The following RMDN2 variants were observed in gnomAD, a reference collection of about 807,000 sequenced individuals.
The protein encoded by RMDN2 is regulator of microtubule dynamics 2.
A neutral mutation model predicts 52.8 loss-of-function variants in RMDN2; 61 were observed. The observed-to-expected ratio is 1.16, with a 90% CI of 0.94 to 1.43. The LOEUF (loss-of-function observed/expected upper bound fraction) is 1.43. Among genes scored for constraint, RMDN2 ranks in the 40% most tolerant of loss-of-function variants. The pLI is 0.00. For synonymous variants in RMDN2, 180 were observed against 153.1 expected (o/e 1.18, Z -1.30); for missense variants, 592 against 475.3 (o/e 1.25, Z -2.28).
chr2:37,993,516 GAA>G (rs1244801442), intron 7 of RMDN2, among the ~76,000 whole-genome samples: 4 of 123,848 alleles, frequency 3.2e-5, no homozygotes, highest in African/African-American at 8.7e-5. Context: ...AGAACCTACA[GAA>G]AAAAAAAAAA....
At chr2:37,944,655 T>A (rs1429891927) in intron 2 of RMDN2, among the ~76,000 whole-genome samples, 1 of 152,168 alleles carries the variant, frequency 6.6e-6, no homozygotes, top group Non-Finnish European at 1.5e-5. Context: ...TGCTGGGTAG[T>A]GATAAGTACA....
At chr2:37,958,477 A>G (rs1330280640) in intron 2 of RMDN2, among the ~76,000 whole-genome samples, 1 of 150,980 alleles carries the variant, frequency 6.6e-6, no homozygotes, top group Non-Finnish European at 1.5e-5. Context: ...TGATTTTTGC[A>G]CATTTATTTT....
intron 2 of RMDN2, among the ~76,000 whole-genome samples, chr2:37,944,195 A>C (rs1476132302): frequency 6.6e-6 from 1 of 152,146 alleles, no homozygotes; most frequent in Non-Finnish European, 1.5e-5. Flanking sequence ...TTGTTTTTGC[A>C]TGATGTATGT....
intron 2 of RMDN2, among the ~76,000 whole-genome samples, chr2:37,933,333 G>A (rs1198891275): frequency 2.0e-5 from 3 of 151,514 alleles, no homozygotes; most frequent in Non-Finnish European, 4.4e-5. Flanking sequence ...GACGATGGGC[G>A]GCCAGGCGGA....
intron 2 of RMDN2, among the ~76,000 whole-genome samples, chr2:37,963,904 G>GC (rs368944368): frequency 0.048 from 7,210 of 148,764 alleles, 529 homozygotes; most frequent in African/African-American, 0.16. Flanking sequence ...GGGCAGAGGC[G>GC]CCCCCCCACC....
intron 1 of RMDN2, 197 bp from the exon 2 acceptor site, chr2:37,929,065 G>A (rs1666514346): frequency 2.3e-6 from 1 of 431,882 alleles, no homozygotes; most frequent in Non-Finnish European, 4.1e-6. Flanking sequence ...AACTTAATAT[G>A]ATAATTCTTC....
At chr2:38,003,604 G>GATAGATAGACAGA (rs1306774545) in intron 8 of RMDN2, among the ~76,000 whole-genome samples, 1 of 103,168 alleles carries the variant, frequency 9.7e-6, no homozygotes, top group African/African-American at 3.3e-5. Flanking sequence ...AGATAGATAG[G>GATAGATAGACAGA]CAGACAGACA....
intron 10 of RMDN2, among the ~76,000 whole-genome samples, chr2:38,015,774 G>A (rs546039633): frequency 6.6e-6 from 1 of 152,224 alleles, no homozygotes; most frequent in East Asian, 1.9e-4. Flanking sequence ...AGGAAGGAGC[G>A]ATCTAACAAC....
intron 2 of RMDN2, among the ~76,000 whole-genome samples, chr2:37,969,618 C>A (rs1178426832): frequency 6.6e-6 from 1 of 151,738 alleles, no homozygotes; most frequent in Non-Finnish European, 1.5e-5. Flanking sequence ...GAATAATCTT[C>A]AAAAAATAAG....
intron 2 of RMDN2, among the ~76,000 whole-genome samples, chr2:37,932,072 T>A (rs997828717): frequency 6.6e-6 from 1 of 152,174 alleles, no homozygotes; most frequent in African/African-American, 2.4e-5. Flanking sequence ...TTTATTTATT[T>A]ATTTTTTTAA....
chr2:37,926,262 T>C (rs1258570961), intron 1 of RMDN2, among the ~76,000 whole-genome samples: 1 of 152,202 alleles, frequency 6.6e-6, no homozygotes, highest in African/African-American at 2.4e-5. Flanking sequence ...TTATAATTAA[T>C]TTAGTAAAGC....
At chr2:37,996,550 C>T (rs1442326394) in intron 7 of RMDN2, among the ~76,000 whole-genome samples, 2 of 142,916 alleles carry the variant, frequency 1.4e-5, no homozygotes, top group East Asian at 2.0e-4. Context: ...TGCCGCTGTA[C>T]GGTATGATCC....
chr2:38,009,442 C>T (rs1176071326), intron 10 of RMDN2, among the ~76,000 whole-genome samples: 2 of 152,162 alleles, frequency 1.3e-5, no homozygotes, highest in African/African-American at 4.8e-5. Flanking sequence ...CTTCTCCTCT[C>T]GCTTCATTTC....
At chr2:38,051,135 T>A (rs1313420249) in intron 10 of RMDN2, among the ~76,000 whole-genome samples, 6 of 152,172 alleles carry the variant, frequency 3.9e-5, no homozygotes, top group Non-Finnish European at 8.8e-5. Flanking sequence ...AAGCTAGACT[T>A]GAGGGCATGA....
intron 1 of RMDN2, among the ~76,000 whole-genome samples, 158 bp downstream of exon 1, chr2:37,925,583 G>T (rs1049982379): frequency 2.0e-5 from 3 of 152,250 alleles, no homozygotes; most frequent in African/African-American, 4.8e-5. Flanking sequence ...GCGGTGCTCT[G>T]CGTTCCCGGG....
At chr2:37,956,720 A>G (rs753035242) in intron 2 of RMDN2, among the ~76,000 whole-genome samples, 1 of 151,856 alleles carries the variant, frequency 6.6e-6, no homozygotes, top group Non-Finnish European at 1.5e-5. Flanking sequence ...GGTTTGTTAC[A>G]TAGGTAGACT....
In RMDN2 at chr2:38,004,121, A is replaced by T; in HGVS notation, c.1099-15A>T. On this transcript the variant is annotated splice_polypyrimidine_tract_variant and intron_variant, in intron 9 of 10. Coordinates refer to ENST00000354545, the MANE Select transcript of RMDN2 (RefSeq NM_001170791.3). The stretch of plus-strand genomic sequence containing the variant: ...AAACGGATTATGTTTAATATTGGTT[A>T]TTTCTCATTTCCAGTGTTATACTGA... 2.5e-6 allele frequency: 4 copies of T among 1,612,074 alleles called. No individual in the cohort carries two copies. Among genetic ancestry groups the T allele is most frequent in the Non-Finnish European group, 3.4e-6 (4 of 1,178,258 alleles).
intron 10 of RMDN2, among the ~76,000 whole-genome samples, chr2:38,029,136 T>C (rs1679993073): frequency 6.6e-6 from 1 of 152,154 alleles, no homozygotes; most frequent in Admixed American, 6.5e-5. Context: ...AGGCCTTTTG[T>C]GTACCCCACG....
chr2:38,001,587 C>A (rs1172948486), intron 8 of RMDN2, among the ~76,000 whole-genome samples: 1 of 152,148 alleles, frequency 6.6e-6, no homozygotes, highest in Non-Finnish European at 1.5e-5. Flanking sequence ...GCTATATATC[C>A]AGAATTAGAA....
Sources: gnomAD v4.1 joint callset for allele counts (sites outside exome capture counted in the v4.1 genomes callset) on GRCh38, gnomAD v4.1.1 for gene constraint, MANE v1.5 for transcripts, NCBI Gene and HGNC (gene_info 2026-07-23, HGNC 2026-07-21) for gene names.